The following RMC1 variants were observed in gnomAD, a reference collection of about 807,000 sequenced individuals.
The protein encoded by RMC1 is regulator of MON1-CCZ1 complex.
RMC1 carries 44 observed loss-of-function variants against 95.5 expected under a neutral mutation model. The observed-to-expected ratio is 0.46, with a 90% CI of 0.36 to 0.59. The LOEUF (loss-of-function observed/expected upper bound fraction) is 0.59. Ranked by LOEUF, RMC1 falls within the 20% of genes least tolerant of loss-of-function variation. The pLI, the probability that RMC1 is intolerant of heterozygous loss-of-function variation, is 0.00. For synonymous variants in RMC1, 320 were observed against 303.6 expected (o/e 1.05, Z -0.56); for missense variants, 705 against 819.6 (o/e 0.86, Z 1.71).
chr18:23,522,404 C>T (rs1289388472), intron 10 of RMC1: 1 of 152,232 alleles, frequency 6.6e-6, no homozygotes, highest in African/African-American at 2.4e-5. Context: ...CTGTGGGCCA[C>T]ATGTGGCCCA....
At position 23,530,345 on chromosome 18, in the gene RMC1, CTGT is replaced by C. The variant is rs760127823; in HGVS notation, c.1669-37_1669-35del. On this transcript the variant is annotated intron_variant, in intron 18 of 19. Coordinates refer to ENST00000269221, the MANE Select transcript of RMC1 (RefSeq NM_013326.5). ...TAGACTATGGAAACTAACTCTGTTCCTGTTGTTTGCACTGACCTGGACTTCTCT... is the reference window on the plus strand; with the variant it reads ...TAGACTATGGAAACTAACTCTGTTCCTGTTTGCACTGACCTGGACTTCTCT... 6.2e-6 allele frequency: 10 copies of C among 1,613,874 alleles called. No individual in the cohort carries two copies. In the Admixed American group the frequency reaches 1.0e-4, roughly 16 times the overall value.
intron 14 of RMC1, 81 bp from the exon 15 acceptor site, chr18:23,529,098 T>C: frequency 6.5e-7 from 1 of 1,539,790 alleles, no homozygotes; most frequent in Non-Finnish European, 8.7e-7. Flanking sequence ...CATCGAAGAA[T>C]TCAGTCCTTG....
At chr18:23,528,469 T>G (rs968449569) in intron 14 of RMC1, 1 of 153,544 alleles carries the variant, frequency 6.5e-6, no homozygotes, top group African/African-American at 2.4e-5. Context: ...GGAGAATGAA[T>G]TATTTCAATT....
intron 10 of RMC1, among the ~76,000 whole-genome samples, chr18:23,523,833 C>T (rs1385767883): frequency 1.3e-5 from 2 of 152,158 alleles, no homozygotes; most frequent in Non-Finnish European, 2.9e-5. Flanking sequence ...AGTTCCTTAA[C>T]GTGCATATGT....
chr18:23,515,266 C>T (rs1337434812), intron 5 of RMC1, among the ~76,000 whole-genome samples: 1 of 152,168 alleles, frequency 6.6e-6, no homozygotes, highest in Non-Finnish European at 1.5e-5. Flanking sequence ...CCTACCCAGG[C>T]TATAATTGCT....
intron 19 of RMC1, 68 bp from the exon 20 acceptor site, chr18:23,531,557 A>G (rs962001141): frequency 3.8e-6 from 6 of 1,585,310 alleles, no homozygotes; most frequent in African/African-American, 2.7e-5. Context: ...AGACACACCT[A>G]CGAGATGCTT....
chr18:23,518,772 T>A, intron 7 of RMC1, 118 bp from the exon 8 acceptor site: 2 of 850,592 alleles, frequency 2.4e-6, no homozygotes, highest in South Asian at 1.7e-5. Flanking sequence ...AAACACTTGT[T>A]GGCAGCAAAA....
intron 13 of RMC1, among the ~76,000 whole-genome samples, chr18:23,527,223 CAAAAA>C (rs386387173): frequency 4.6e-5 from 2 of 43,670 alleles, no homozygotes; most frequent in Non-Finnish European, 1.0e-4. Context: ...CCTGTCTCTA[CAAAAA>C]AAAAAAAAAA....
rs149516338 is a variant in RMC1, at chr18:23,526,593, C to T, written c.1061-44C>T. 160 of 1,593,996 alleles carry T rather than the reference C, an allele frequency of 1.0e-4. 1 individual carries two copies. In the East Asian group the frequency reaches 2.7e-3, roughly 27 times the overall value. ...GGGAACCACTTTTGGGCTTTTGTTA[C>T]GGTTTGCATCATACTGTTTTATTTG... On this transcript the variant is annotated intron_variant, in intron 12 of 19. Transcript: ENST00000269221.
At chr18:23,510,846 G>T (rs1466909969) in intron 5 of RMC1, among the ~76,000 whole-genome samples, 2 of 152,236 alleles carry the variant, frequency 1.3e-5, no homozygotes, top group Non-Finnish European at 2.9e-5. Flanking sequence ...CAAGGTTGTG[G>T]AGAAAAGGGA....
At chr18:23,519,825 A>G (rs1469477686) in intron 9 of RMC1, among the ~76,000 whole-genome samples, 1 of 152,040 alleles carries the variant, frequency 6.6e-6, no homozygotes, top group East Asian at 1.9e-4. Flanking sequence ...GACAACTAGA[A>G]TGGGTCCTGT....
chr18:23,515,815 G>C (rs773905725), intron 5 of RMC1, 41 bp from the exon 6 acceptor site: 1 of 1,611,734 alleles, frequency 6.2e-7, no homozygotes, highest in Non-Finnish European at 8.5e-7. Flanking sequence ...TTAGTTTGCC[G>C]TTTTTTAAAT....
At chr18:23,520,343 C>T (rs768314783) in intron 10 of RMC1, 30 bp downstream of exon 10, 49 of 1,542,106 alleles carry the variant, frequency 3.2e-5, no homozygotes, top group Non-Finnish European at 4.3e-5. Context: ...GGAGTCTGTG[C>T]TGCCCTTTCA....
At chr18:23,530,320 T>TA (rs1407179515) in intron 18 of RMC1, 23 bp downstream of exon 18, 2 of 1,614,112 alleles carry the variant, frequency 1.2e-6, no homozygotes, top group African/African-American at 1.3e-5. Context: ...TGTGAGGTTT[T>TA]AGACTATGGA....
intron 19 of RMC1, among the ~76,000 whole-genome samples, chr18:23,531,248 C>T (rs1269686082): frequency 6.6e-6 from 1 of 152,096 alleles, no homozygotes; most frequent in African/African-American, 2.4e-5. Flanking sequence ...CTCAGCCTCC[C>T]AAAGTGCTGG....
At chr18:23,517,551 A>G (rs529414123) in intron 7 of RMC1, among the ~76,000 whole-genome samples, 52 of 152,328 alleles carry the variant, frequency 3.4e-4, no homozygotes, top group African/African-American at 1.2e-3. Context: ...GAACCCCTGT[A>G]TGCCTGTATC....
At chr18:23,511,049 C>G (rs2057843972) in intron 5 of RMC1, among the ~76,000 whole-genome samples, 1 of 152,180 alleles carries the variant, frequency 6.6e-6, no homozygotes, top group African/African-American at 2.4e-5. Context: ...CAGCACTGTT[C>G]ACAATGGCAA....
chr18:23,523,136 C>T (rs1000644424), intron 10 of RMC1, among the ~76,000 whole-genome samples: 3 of 152,182 alleles, frequency 2.0e-5, no homozygotes, highest in Non-Finnish European at 2.9e-5. Flanking sequence ...GAGTGCTCTT[C>T]GCCAAAGCTT....
At position 23,529,244 on chromosome 18, in the gene RMC1, G is replaced by A. The variant is rs1475698402; in HGVS notation, c.1362G>A (p.Val454=). ...AGAGGCCGGTGCGGACCCAGGCGGTGCTGGACCAGTCAGATGTGTACACCC... is the reference window on the plus strand; with the variant it reads ...AGAGGCCGGTGCGGACCCAGGCGGTACTGGACCAGTCAGATGTGTACACCC... ...LLKRPVRTQA[V]LDQSDVYTHV... is the part of the protein sequence containing the mutation. The change falls in exon 15 of 20, where the codon GTG becomes GTA. Residue 454 remains valine, a synonymous_variant. Coordinates refer to ENST00000269221, the MANE Select transcript of RMC1 (RefSeq NM_013326.5). 6.2e-7 allele frequency: 1 copy of A among 1,614,092 alleles called. No individual in the cohort carries two copies. Among genetic ancestry groups the A allele is most frequent in the Non-Finnish European group, 8.5e-7 (1 of 1,180,036 alleles).
Sources: allele counts gnomAD v4.1 joint callset (sites outside exome capture counted in the v4.1 genomes callset), GRCh38; gene constraint gnomAD v4.1.1; transcripts MANE v1.5; gene names NCBI Gene and HGNC (gene_info 2026-07-23, HGNC 2026-07-21).